TTC7A: variants seen among roughly 807,000 people sequenced by gnomAD.
TTC7A encodes the protein tetratricopeptide repeat domain 7A.
In TTC7A, 110 loss-of-function variants were observed where a neutral mutation model predicts 103.7. The ratio of observed to expected loss-of-function variants is 1.06; its 90% confidence interval spans 0.91 to 1.24. TTC7A has a LOEUF of 1.24. Among genes scored for constraint, TTC7A ranks in the 50% most tolerant of loss-of-function variants. The pLI, the probability that TTC7A is intolerant of heterozygous loss-of-function variation, is 0.00. For synonymous variants in TTC7A, 521 were observed against 467.9 expected (o/e 1.11, Z -1.47); for missense variants, 1,340 against 1,116.3 (o/e 1.20, Z -2.86).
At chr2:46,986,059 C>G (rs185704834) in intron 5 of TTC7A, among the ~76,000 whole-genome samples, 5 of 152,312 alleles carry the variant, frequency 3.3e-5, no homozygotes, top group Non-Finnish European at 5.9e-5. Context: ...GGCACGTGTC[C>G]TGGGTGGGGG....
intron 2 of TTC7A, among the ~76,000 whole-genome samples, chr2:46,925,194 G>T (rs79516895): frequency 6.6e-6 from 1 of 152,006 alleles, no homozygotes; most frequent in Non-Finnish European, 1.5e-5. Flanking sequence ...GGGTTTAAGC[G>T]ATCTTCCCAC....
intron 15 of TTC7A, among the ~76,000 whole-genome samples, chr2:47,037,118 C>T (rs1034607639): frequency 6.6e-6 from 1 of 152,212 alleles, no homozygotes; most frequent in African/African-American, 2.4e-5. Flanking sequence ...TTCAGAGGAC[C>T]CCCTCAGGTC....
Position 46,978,863 on chromosome 2 carries a change from G to A in TTC7A, c.720G>A (p.Leu240=). 3.7e-6 allele frequency: 6 copies of A among 1,614,076 alleles called. No homozygotes were observed. Among genetic ancestry groups the A allele is most frequent in the Non-Finnish European group, 5.1e-6 (6 of 1,179,986 alleles). ...HPLDYELTYF[L]EAALQSAYVK... Reference sequence around the variant, plus strand: ...TTGACTATGAGCTCACCTACTTCCTGGAAGCTGCCCTCCAGAGCGCCTATG... The same window carrying A: ...TTGACTATGAGCTCACCTACTTCCTAGAAGCTGCCCTCCAGAGCGCCTATG... The change falls in exon 5 of 20, where the codon CTG becomes CTA. Residue 240 remains leucine (L), a synonymous_variant. Coordinates refer to ENST00000319190, the MANE Select transcript of TTC7A (RefSeq NM_020458.4).
chr2:47,010,498 G>A (rs547132311), intron 10 of TTC7A, among the ~76,000 whole-genome samples: 22 of 140,812 alleles, frequency 1.6e-4, no homozygotes, highest in African/African-American at 5.1e-4. Flanking sequence ...TGGCTGCCCC[G>A]CCCCGCCCAG....
rs890545581 is a variant in TTC7A, at chr2:47,023,352, G to A, written c.1511-56G>A. ...TGTGCTTTGAGGATGGTGCAGGGCT[G>A]GGCCGGCACCCTTCAGTGACCCCTG... On this transcript the variant is annotated intron_variant, in intron 12 of 19. Coordinates refer to ENST00000319190, the MANE Select transcript of TTC7A (RefSeq NM_020458.4). 40 of 1,577,802 alleles carry A rather than the reference G, an allele frequency of 2.5e-5. No homozygotes were observed. The African/African-American group carries it at 4.8e-4, about 19-fold the overall frequency.
chr2:46,953,186 C>A (rs569023675), intron 2 of TTC7A, among the ~76,000 whole-genome samples: 2 of 152,278 alleles, frequency 1.3e-5, no homozygotes, highest in East Asian at 3.9e-4. Flanking sequence ...CAGGGTCTCA[C>A]TCTGTCACCC....
chr2:47,021,181 G>T (rs1367343151), intron 11 of TTC7A, among the ~76,000 whole-genome samples: 2 of 152,202 alleles, frequency 1.3e-5, no homozygotes, highest in Admixed American at 6.5e-5. Flanking sequence ...GAGGAAGGGG[G>T]CCTTTCTTGG....
intron 19 of TTC7A, among the ~76,000 whole-genome samples, chr2:47,070,276 C>G (rs926504724): frequency 6.6e-6 from 1 of 152,258 alleles, no homozygotes; most frequent in African/African-American, 2.4e-5. Context: ...AGGGAGGCTC[C>G]CCACTGAGTG....
At chr2:46,951,062 AG>A (rs1671364215) in intron 2 of TTC7A, among the ~76,000 whole-genome samples, 1 of 152,210 alleles carries the variant, frequency 6.6e-6, no homozygotes, top group South Asian at 2.1e-4. Context: ...CCTGTGACCT[AG>A]TTAGAAACAG....
At position 46,974,888 on chromosome 2, in the gene TTC7A, A is replaced by T. The variant is rs539117888; in HGVS notation, c.518-85A>T. ...TGCACCAGAGTGTCTGCCCCCTCGG[A>T]TGAGCCCACCTTCGGCCCATGGGGA... On this transcript the variant is annotated intron_variant, in intron 3 of 19. Transcript: ENST00000319190. The T allele has an allele frequency of 2.4e-4, 366 of 1,551,994 alleles. 1 individual carries two copies. In the African/African-American group the frequency reaches 3.7e-3, roughly 16 times the overall value.
At chr2:46,957,472 C>T (rs1671977843) in intron 3 of TTC7A, among the ~76,000 whole-genome samples, 1 of 152,216 alleles carries the variant, frequency 6.6e-6, no homozygotes, top group Admixed American at 6.5e-5. Context: ...AGGAGTCTGC[C>T]ACTCCTCAGT....
intron 2 of TTC7A, among the ~76,000 whole-genome samples, chr2:46,925,595 A>G (rs916554426): frequency 6.6e-6 from 1 of 152,164 alleles, no homozygotes; most frequent in African/African-American, 2.4e-5. Context: ...CCTGGTCAGA[A>G]TAAATTAACC....
At chr2:46,943,239 A>G (rs1670611263) in intron 1 of TTC7A, among the ~76,000 whole-genome samples, 1 of 152,044 alleles carries the variant, frequency 6.6e-6, no homozygotes. Context: ...AAACAACCCT[A>G]TTAGGAGGGC....
At chr2:47,025,961 C>A (rs531577636) in intron 14 of TTC7A, among the ~76,000 whole-genome samples, 1 of 152,298 alleles carries the variant, frequency 6.6e-6, no homozygotes, top group South Asian at 2.1e-4. Flanking sequence ...ATCTAGTGAA[C>A]GATAAACCTT....
At chr2:46,917,234 A>C in exon 2 of TTC7A, 1 of 695,176 alleles carries the variant, frequency 1.4e-6, no homozygotes, top group South Asian at 1.5e-5. Flanking sequence ...GGTTCAAGCA[A>C]TCCTCCCACC....
At chr2:47,038,815 G>A (rs1387611950) in intron 15 of TTC7A, among the ~76,000 whole-genome samples, 1 of 151,824 alleles carries the variant, frequency 6.6e-6, no homozygotes, top group Admixed American at 6.6e-5. Context: ...CTTGGATCCT[G>A]GGAATACCCA....
chr2:46,960,489 G>T (rs537328216), intron 3 of TTC7A, among the ~76,000 whole-genome samples: 1 of 152,304 alleles, frequency 6.6e-6, no homozygotes, highest in South Asian at 2.1e-4. Flanking sequence ...GTGCATGTAG[G>T]GGGATGGGGG....
At chr2:47,046,617 A>G (rs143752110) in intron 16 of TTC7A, among the ~76,000 whole-genome samples, 186 bp downstream of exon 16, 7 of 152,350 alleles carry the variant, frequency 4.6e-5, no homozygotes, top group African/African-American at 1.7e-4. Context: ...ACAGTCCTCT[A>G]TGAAGTACAT....
intron 19 of TTC7A, among the ~76,000 whole-genome samples, chr2:47,063,171 T>C (rs1683925957): frequency 6.6e-6 from 1 of 152,266 alleles, no homozygotes. Context: ...GCTCTGGCCC[T>C]GATCCACTTG....
Sources: gnomAD v4.1 joint callset for allele counts (sites outside exome capture counted in the v4.1 genomes callset) on GRCh38, gnomAD v4.1.1 for gene constraint, MANE v1.5 for transcripts, NCBI Gene and HGNC (gene_info 2026-07-23, HGNC 2026-07-21) for gene names.